SELENOF: variants seen among roughly 807,000 people sequenced by gnomAD.
The protein encoded by SELENOF is 15 kDa selenoprotein.
SELENOF carries 16 observed loss-of-function variants against 20.5 expected under a neutral mutation model. That is an observed-to-expected ratio of 0.78 (90% CI 0.53 to 1.19). SELENOF has a LOEUF of 1.19. Among genes scored for constraint, SELENOF ranks in the 50% most tolerant of loss-of-function variants. The pLI is 0.00. For missense variants in SELENOF, 215 were observed against 194.2 expected, an observed-to-expected ratio of 1.11 and a Z score of -0.64; for synonymous variants, 78 against 74.5, an observed-to-expected ratio of 1.05 and a Z score of -0.24.
At chr1:86,864,578 T>C (rs1274738359) in intron 4 of SELENOF, among the ~76,000 whole-genome samples, 1 of 151,920 alleles carries the variant, frequency 6.6e-6, no homozygotes, top group Non-Finnish European at 1.5e-5. Flanking sequence ...GTTTAGAAAA[T>C]AGGCCATCCA....
chr1:86,890,419 A>G (rs997183174), intron 2 of SELENOF, among the ~76,000 whole-genome samples: 4 of 152,220 alleles, frequency 2.6e-5, no homozygotes, highest in African/African-American at 4.8e-5. Context: ...ACATAATAAA[A>G]AAAGTATAAA....
At position 86,877,696 on chromosome 1, in the gene SELENOF, G is replaced by GT. The variant is rs145297955; in HGVS notation, c.316+2965dup. 6.2e-3 allele frequency among the ~76,000 whole-genome samples: 946 copies of GT among 152,180 alleles called. 11 individuals are homozygous for GT. Among genetic ancestry groups the GT allele is most frequent in the African/African-American group, 0.022 (913 of 41,516 alleles). ...TCAAAACTCCTTTTTGCGTCTGAACGTTTATGATTCTAATACAGAGGTTGC... is the reference window on the plus strand; with the variant it reads ...TCAAAACTCCTTTTTGCGTCTGAACGTTTTATGATTCTAATACAGAGGTTGC... On this transcript the variant is annotated intron_variant, in intron 3 of 4. Coordinates refer to ENST00000331835, the MANE Select transcript of SELENOF (RefSeq NM_004261.5).
chr1:86,899,958 G>A (rs1659644322), intron 2 of SELENOF, among the ~76,000 whole-genome samples: 1 of 151,790 alleles, frequency 6.6e-6, no homozygotes, highest in Admixed American at 6.6e-5. Context: ...CGGGGCGGCG[G>A]GGCAAAGGTG....
At chr1:86,899,920 C>T (rs1167927142) in intron 2 of SELENOF, among the ~76,000 whole-genome samples, 3 of 150,564 alleles carry the variant, frequency 2.0e-5, no homozygotes, top group East Asian at 2.0e-4. Context: ...GGGTCGCGGC[C>T]GGGCAGAGGC....
rs1042888816 is a variant in SELENOF at position 86,896,900 on chromosome 1, A to T, written c.252+6381T>A. ...TATGTATATTTTCAACATAGCTTTT[A>T]AAAAAATCACCTTTTCCAACTTGTT... On this transcript the variant is annotated intron_variant, in intron 2 of 4. Coordinates refer to ENST00000331835, the MANE Select transcript of SELENOF (RefSeq NM_004261.5). 3.3e-5 allele frequency among the ~76,000 whole-genome samples: 5 copies of T among 152,204 alleles called. 1 individual carries two copies. The highest frequency in any genetic ancestry group is 4.8e-5 in the African/African-American group (2 of 41,444).
upstream of SELENOF, chr1:86,914,541 G>A (rs949264903): frequency 2.4e-5 from 5 of 207,684 alleles, no homozygotes; most frequent in African/African-American, 1.2e-4. Flanking sequence ...ACCCGAACGG[G>A]GGGAGGGGCG....
At chr1:86,867,378 G>C (rs1413544943) in intron 4 of SELENOF, among the ~76,000 whole-genome samples, 2 of 151,964 alleles carry the variant, frequency 1.3e-5, no homozygotes, top group African/African-American at 2.4e-5. Flanking sequence ...CTGTAATAAA[G>C]CTGCTCAGGA....
At chr1:86,883,125 C>CAA (rs34608814) in intron 2 of SELENOF, among the ~76,000 whole-genome samples, 15 of 95,998 alleles carry the variant, frequency 1.6e-4, no homozygotes, top group African/African-American at 3.7e-4. Flanking sequence ...AGACTTGTCT[C>CAA]AAAAAAAAAA....
Position 86,899,275 on chromosome 1 carries a change from T to C in SELENOF, c.252+4006A>G, listed in dbSNP as rs1177806306. 2.6e-5 allele frequency among the ~76,000 whole-genome samples: 4 copies of C among 151,052 alleles called. No homozygotes were observed. In the East Asian group the frequency reaches 5.8e-4, roughly 22 times the overall value. ...TTCCACAAAACCACCATTGTCATCA[T>C]GGCCCGTTCTCAATGAGCTGTTGGG... On this transcript the variant is annotated intron_variant, in intron 2 of 4. Transcript: ENST00000331835.
At chr1:86,867,704 C>A (rs914804487) in intron 4 of SELENOF, among the ~76,000 whole-genome samples, 1 of 143,102 alleles carries the variant, frequency 7.0e-6, no homozygotes, top group Non-Finnish European at 1.5e-5. Context: ...AATGCTAATG[C>A]GAACTATTAA....
At chr1:86,892,618 G>A (rs1214309817) in intron 2 of SELENOF, among the ~76,000 whole-genome samples, 1 of 152,180 alleles carries the variant, frequency 6.6e-6, no homozygotes, top group Non-Finnish European at 1.5e-5. Context: ...GCTGACTTAT[G>A]AGTAACTGCA....
At chr1:86,883,961 T>C (rs1570387096) in intron 2 of SELENOF, among the ~76,000 whole-genome samples, 1 of 152,180 alleles carries the variant, frequency 6.6e-6, no homozygotes, top group African/African-American at 2.4e-5. Context: ...ATGTGACCTT[T>C]TTCAAAAAAA....
intron 2 of SELENOF, among the ~76,000 whole-genome samples, chr1:86,885,939 A>G (rs1659204086): frequency 6.6e-6 from 1 of 152,240 alleles, no homozygotes; most frequent in African/African-American, 2.4e-5. Flanking sequence ...ATCTTTTATT[A>G]TAAGATTAAT....
chr1:86,870,493 G>A (rs984546561), intron 3 of SELENOF, among the ~76,000 whole-genome samples: 4 of 152,178 alleles, frequency 2.6e-5, no homozygotes, highest in Non-Finnish European at 5.9e-5. Flanking sequence ...TATGTAACAC[G>A]CAGTAACTGT....
chr1:86,898,757 A>ATT (rs201958269), intron 2 of SELENOF, among the ~76,000 whole-genome samples: 3 of 136,100 alleles, frequency 2.2e-5, no homozygotes, highest in Non-Finnish European at 4.8e-5. Flanking sequence ...AATTTTTTGT[A>ATT]TTTTTTTTTT....
intron 3 of SELENOF, among the ~76,000 whole-genome samples, chr1:86,871,538 A>C (rs1338764913): frequency 6.6e-6 from 1 of 152,204 alleles, no homozygotes; most frequent in African/African-American, 2.4e-5. Context: ...GAAGAAAGTA[A>C]ACTGAAAAAG....
chr1:86,895,623 G>A (rs1390737238), intron 2 of SELENOF, among the ~76,000 whole-genome samples: 2 of 152,186 alleles, frequency 1.3e-5, no homozygotes, highest in East Asian at 3.8e-4. Flanking sequence ...TGGTTCTATA[G>A]TCTATCTTAA....
chr1:86,904,305 C>T (rs1267685409), intron 1 of SELENOF, among the ~76,000 whole-genome samples: 1 of 152,200 alleles, frequency 6.6e-6, no homozygotes, highest in Non-Finnish European at 1.5e-5. Context: ...CCTCCCTAAG[C>T]TTTAATTTCC....
At chr1:86,914,273 A>G (rs1014251674), upstream of SELENOF, 10 of 649,504 alleles carry the variant, frequency 1.5e-5, no homozygotes, top group East Asian at 8.2e-5. Context: ...GTCATCAAAT[A>G]CAATCACTGG....
Sources: gnomAD v4.1 joint callset for allele counts (sites outside exome capture counted in the v4.1 genomes callset) on GRCh38, gnomAD v4.1.1 for gene constraint, MANE v1.5 for transcripts, NCBI Gene and HGNC (gene_info 2026-07-23, HGNC 2026-07-21) for gene names.